Variants in UVRAG observed in about 807,000 individuals in gnomAD.
UVRAG encodes the protein UV radiation resistance-associated gene protein.
UVRAG carries 19 observed loss-of-function variants against 78.0 expected under a neutral mutation model. That is an observed-to-expected ratio of 0.24 (90% CI 0.17 to 0.36). The LOEUF (loss-of-function observed/expected upper bound fraction) is 0.36. Ranked by LOEUF, UVRAG falls within the 10% of genes least tolerant of loss-of-function variation. The probability of loss-of-function intolerance (pLI) is 1.00; values close to 1 mark genes in which losing one functional copy is unlikely to be tolerated. For synonymous variants in UVRAG, 323 were observed against 324.6 expected, an observed-to-expected ratio of 1.00 and a Z score of 0.05; for missense variants, 740 against 853.8, an observed-to-expected ratio of 0.87 and a Z score of 1.66.
chr11:75,996,931 G>A (rs535859274), intron 8 of UVRAG, among the ~76,000 whole-genome samples: 3 of 152,198 alleles, frequency 2.0e-5, no homozygotes, highest in East Asian at 1.9e-4. Context: ...GACAGATATC[G>A]TTTGTTTTAC....
chr11:75,927,091 A>G (rs111399200), intron 6 of UVRAG, among the ~76,000 whole-genome samples: 115 of 141,200 alleles, frequency 8.1e-4, no homozygotes, highest in African/African-American at 2.7e-3. Context: ...TTTTTTTGAG[A>G]TGAAGTCTCG....
chr11:75,986,010 A>G (rs1033379813), intron 8 of UVRAG, among the ~76,000 whole-genome samples: 4 of 152,058 alleles, frequency 2.6e-5, no homozygotes, highest in Non-Finnish European at 4.4e-5. Context: ...TTTTTGCCCT[A>G]TGTCATTTTC....
At chr11:76,069,475 G>A (rs566800515) in intron 13 of UVRAG, among the ~76,000 whole-genome samples, 43 of 152,224 alleles carry the variant, frequency 2.8e-4, no homozygotes, top group Admixed American at 8.5e-4. Context: ...TATAATTGAC[G>A]TTGACTTTAA....
intron 14 of UVRAG, among the ~76,000 whole-genome samples, chr11:76,133,088 A>G (rs1425683394): frequency 3.3e-5 from 5 of 152,240 alleles, no homozygotes; most frequent in Non-Finnish European, 5.9e-5. Context: ...AAATGAGACC[A>G]TGTATAAAGC....
rs1245555171 is a variant in UVRAG at position 76,008,875 on chromosome 11, AT to A, written c.1060+14del. 1 of 1,417,026 alleles carries A rather than the reference AT, an allele frequency of 7.1e-7. No homozygotes were observed. The highest frequency in any genetic ancestry group is 9.6e-7 in the Non-Finnish European group (1 of 1,044,328). The allele number at this position is 1,417,026 out of a possible 1,614,324, so 87.8% of individuals were successfully genotyped here. Reference sequence around the variant, plus strand: ...ATTCTGAGGACTTCCAAGGTATTTTATTTTTTATTTTGAAGATTTGTTATAT... The same window carrying A: ...ATTCTGAGGACTTCCAAGGTATTTTATTTTTATTTTGAAGATTTGTTATAT... On this transcript the variant is annotated intron_variant, in intron 11 of 14. Transcript: ENST00000356136.
chr11:76,047,929 C>A (rs955300933), intron 12 of UVRAG, among the ~76,000 whole-genome samples: 1 of 152,158 alleles, frequency 6.6e-6, no homozygotes, highest in Non-Finnish European at 1.5e-5. Flanking sequence ...AGAGGAAAGG[C>A]TGGCTTAGAA....
chr11:76,092,161 A>G (rs530495067), intron 13 of UVRAG, among the ~76,000 whole-genome samples: 186 of 152,328 alleles, frequency 1.2e-3, no homozygotes, highest in Non-Finnish European at 2.1e-3. Flanking sequence ...TACAAAGGAC[A>G]TGAACTCATC....
At chr11:75,866,381 A>AAAT (rs1299328598) in intron 3 of UVRAG, among the ~76,000 whole-genome samples, 1 of 141,336 alleles carries the variant, frequency 7.1e-6, no homozygotes, top group African/African-American at 2.7e-5. Flanking sequence ...ATAAATAAAT[A>AAAT]AAATAAAATA....
intron 6 of UVRAG, among the ~76,000 whole-genome samples, chr11:75,947,946 A>T (rs1948614903): frequency 6.6e-6 from 1 of 152,216 alleles, no homozygotes; most frequent in African/African-American, 2.4e-5. Context: ...TCTATGTGCC[A>T]GGCACTGTAT....
intron 11 of UVRAG, among the ~76,000 whole-genome samples, chr11:76,011,730 A>G (rs1311579447): frequency 6.6e-6 from 1 of 152,140 alleles, no homozygotes; most frequent in Admixed American, 6.5e-5. Flanking sequence ...CCAGGTGTTG[A>G]GGGTGTAAGA....
At chr11:76,026,734 C>T (rs1413876581) in intron 12 of UVRAG, among the ~76,000 whole-genome samples, 1 of 152,062 alleles carries the variant, frequency 6.6e-6, no homozygotes, top group Non-Finnish European at 1.5e-5. Flanking sequence ...GGACCAAATG[C>T]TTTGGTTCTC....
At chr11:76,088,055 C>G (rs1188980058) in intron 13 of UVRAG, among the ~76,000 whole-genome samples, 1 of 152,184 alleles carries the variant, frequency 6.6e-6, no homozygotes, top group Non-Finnish European at 1.5e-5. Context: ...GCATATGCCA[C>G]CACACCTGGC....
At chr11:76,005,416 G>A (rs886614658) in intron 9 of UVRAG, among the ~76,000 whole-genome samples, 1 of 152,066 alleles carries the variant, frequency 6.6e-6, no homozygotes, top group Non-Finnish European at 1.5e-5. Flanking sequence ...TTGCAGATAG[G>A]AAGTCAATGC....
chr11:76,002,879 C>CA (rs1949844299), intron 8 of UVRAG, among the ~76,000 whole-genome samples: 1 of 152,084 alleles, frequency 6.6e-6, no homozygotes, highest in Non-Finnish European at 1.5e-5. Flanking sequence ...AGTTCAAGAT[C>CA]AGCCTGGACA....
chr11:75,905,662 A>T (rs1947598193), intron 5 of UVRAG, among the ~76,000 whole-genome samples: 1 of 152,118 alleles, frequency 6.6e-6, no homozygotes, highest in South Asian at 2.1e-4. Context: ...TTGCATGTGT[A>T]CACACACAGA....
chr11:75,966,476 A>G (rs1466845245), intron 7 of UVRAG, among the ~76,000 whole-genome samples: 1 of 152,134 alleles, frequency 6.6e-6, no homozygotes, highest in Non-Finnish European at 1.5e-5. Context: ...AATATTTTCT[A>G]GTTCTCTGCT....
At chr11:75,969,191 C>T (rs529108267) in intron 7 of UVRAG, among the ~76,000 whole-genome samples, 254 of 152,244 alleles carry the variant, frequency 1.7e-3, no homozygotes, top group Non-Finnish European at 3.0e-3. Flanking sequence ...TTTTTGTCTC[C>T]GTGACTTTGA....
intron 14 of UVRAG, chr11:76,137,083 C>A: frequency 5.0e-6 from 1 of 201,906 alleles, no homozygotes; most frequent in South Asian, 8.3e-5. Context: ...TTCTGAACAG[C>A]TAAAACTAAT....
rs559270790 is a variant in UVRAG at position 75,869,865 on chromosome 11, T to C, written c.270+8085T>C. ...ATTTTATGAGTTCTTGGTTGTGTTC[T>C]TGTAACCATACATTTGTTATCAAGC... On this transcript the variant is annotated intron_variant, in intron 3 of 14. Coordinates refer to ENST00000356136, the MANE Select transcript of UVRAG (RefSeq NM_003369.4). Among the ~76,000 whole-genome samples, 5 of 152,360 alleles carry C rather than the reference T, an allele frequency of 3.3e-5. No individual in the cohort carries two copies. The South Asian group carries it at 1.0e-3, about 32-fold the overall frequency.
Sources: gnomAD v4.1 joint callset for allele counts (sites outside exome capture counted in the v4.1 genomes callset) on GRCh38, gnomAD v4.1.1 for gene constraint, MANE v1.5 for transcripts, NCBI Gene and HGNC (gene_info 2026-07-23, HGNC 2026-07-21) for gene names.